VWA8: variants seen among roughly 807,000 people sequenced by gnomAD.
The protein encoded by VWA8 is von Willebrand factor A domain-containing protein 8.
VWA8 carries 221 observed loss-of-function variants against 241.5 expected under a neutral mutation model. That is an observed-to-expected ratio of 0.91 (90% CI 0.82 to 1.02). VWA8 has a LOEUF of 1.02. Ranked by LOEUF, VWA8 falls within the 50% of genes least tolerant of loss-of-function variation. VWA8 has a pLI of 0.00. For missense variants in VWA8, 2,322 were observed against 2,328.7 expected (o/e 1.00, Z 0.06); for synonymous variants, 852 against 827.1 (o/e 1.03, Z -0.52).
intron 12 of VWA8, among the ~76,000 whole-genome samples, chr13:41,861,103 C>T (rs940845556): frequency 3.3e-5 from 5 of 151,922 alleles, no homozygotes; most frequent in Admixed American, 2.0e-4. Flanking sequence ...TATTACTACT[C>T]AGGAGGCTGA....
intron 37 of VWA8, among the ~76,000 whole-genome samples, chr13:41,667,607 C>T (rs1034651013): frequency 1.3e-5 from 2 of 152,136 alleles, no homozygotes; most frequent in East Asian, 3.8e-4. Flanking sequence ...AAGCTATAAC[C>T]TTTTAAGCCT....
chr13:41,903,810 A>G (rs1875573146), intron 4 of VWA8, among the ~76,000 whole-genome samples: 1 of 152,220 alleles, frequency 6.6e-6, no homozygotes, highest in African/African-American at 2.4e-5. Flanking sequence ...AGGAACTGGT[A>G]GGATCTGATT....
intron 37 of VWA8, among the ~76,000 whole-genome samples, chr13:41,654,379 T>C (rs2044887765): frequency 6.6e-6 from 1 of 152,140 alleles, no homozygotes; most frequent in Non-Finnish European, 1.5e-5. Flanking sequence ...ACATCATGTG[T>C]CACCTAGTAG....
At chr13:41,576,496 G>A (rs1409666668) in intron 42 of VWA8, among the ~76,000 whole-genome samples, 2 of 152,168 alleles carry the variant, frequency 1.3e-5, no homozygotes, top group Non-Finnish European at 2.9e-5. Flanking sequence ...TAAATGGAAA[G>A]AAACAGAAAA....
chr13:41,795,915 C>A (rs757760347), intron 17 of VWA8, among the ~76,000 whole-genome samples: 1 of 151,994 alleles, frequency 6.6e-6, no homozygotes, highest in Non-Finnish European at 1.5e-5. Flanking sequence ...AACAAACCTG[C>A]ACCTCCTGCA....
At chr13:41,890,956 T>C (rs55671308) in intron 5 of VWA8, among the ~76,000 whole-genome samples, 6,746 of 152,254 alleles carry the variant, frequency 0.044, 219 homozygotes, top group Non-Finnish European at 0.07. Flanking sequence ...CAGAACAGGA[T>C]ATCCTTTAAA....
chr13:41,941,154 T>C (rs1877578057), intron 2 of VWA8, among the ~76,000 whole-genome samples: 1 of 152,176 alleles, frequency 6.6e-6, no homozygotes. Flanking sequence ...ATTTGCAAAA[T>C]ACTAAAATAC....
Position 41,951,253 on chromosome 13 carries a change from C to A in VWA8, c.164-1240G>T, listed in dbSNP as rs191354055. The stretch of plus-strand genomic sequence containing the variant: ...CCAACATGGTAAAACCCCGTCTCTA[C>A]TAAAAATACAAAAATTAGCTGGGCG... On this transcript the variant is annotated intron_variant, in intron 1 of 44. Transcript: ENST00000379310. Among the ~76,000 whole-genome samples the A allele has an allele frequency of 1.7e-3, 255 of 152,054 alleles. 2 individuals are homozygous for A. The highest frequency in any genetic ancestry group is 5.6e-3 in the African/African-American group (234 of 41,494).
At chr13:41,866,669 C>T (rs1319655820) in intron 10 of VWA8, among the ~76,000 whole-genome samples, 15 of 152,078 alleles carry the variant, frequency 9.9e-5, no homozygotes, top group Admixed American at 9.2e-4. Context: ...CATCTTAATG[C>T]TATTTATAAC....
intron 37 of VWA8, among the ~76,000 whole-genome samples, chr13:41,630,573 T>A (rs1324593406): frequency 6.6e-6 from 1 of 152,018 alleles, no homozygotes; most frequent in East Asian, 1.9e-4. Flanking sequence ...CTGAAACACA[T>A]CCCTATAGGC....
At chr13:41,711,617 G>C (rs2045317234) in intron 26 of VWA8, among the ~76,000 whole-genome samples, 1 of 152,182 alleles carries the variant, frequency 6.6e-6, no homozygotes, top group African/African-American at 2.4e-5. Flanking sequence ...GCTCATGCCT[G>C]TAATCCCAGC....
intron 37 of VWA8, among the ~76,000 whole-genome samples, chr13:41,663,955 C>T (rs944529265): frequency 2.0e-5 from 3 of 151,366 alleles, no homozygotes; most frequent in African/African-American, 7.3e-5. Flanking sequence ...ATAATGTATT[C>T]AGTAAGTTAC....
intron 22 of VWA8, among the ~76,000 whole-genome samples, chr13:41,730,448 G>C (rs1053203020): frequency 1.3e-5 from 2 of 151,932 alleles, no homozygotes; most frequent in African/African-American, 4.8e-5. Flanking sequence ...ATGCGGAATA[G>C]TTTGGCCAAA....
chr13:41,789,703 C>A (rs968980), intron 17 of VWA8, among the ~76,000 whole-genome samples: 122,353 of 152,004 alleles, frequency 0.8, 50,291 homozygotes, highest in East Asian at 1. Context: ...GGTATTCTCA[C>A]ATCACCAGCG....
chr13:41,753,732 T>A (rs1304363854), intron 21 of VWA8, among the ~76,000 whole-genome samples: 5 of 152,192 alleles, frequency 3.3e-5, no homozygotes, highest in Non-Finnish European at 7.4e-5. Flanking sequence ...TTATCAATAC[T>A]ATGTTTTGAA....
intron 2 of VWA8, among the ~76,000 whole-genome samples, chr13:41,931,401 C>T (rs1200877071): frequency 6.7e-6 from 1 of 149,128 alleles, no homozygotes; most frequent in African/African-American, 2.5e-5. Context: ...ACATTGGTTA[C>T]CAGGGGTAGG....
Position 41,701,498 on chromosome 13 carries a change from T to TG in VWA8, c.3257dup (p.Ile1087AsnfsTer5). On this transcript the variant is annotated frameshift_variant, in exon 28 of 45. Coordinates refer to ENST00000379310, the MANE Select transcript of VWA8 (RefSeq NM_015058.2). LOFTEE classifies it high-confidence loss of function. ...GGGATCTTTCTTCATGTCTTTCTAT[T>TG]GGATACTCCTGTATATTTATAAGTG... 6.2e-7 allele frequency: 1 copy of TG among 1,611,406 alleles called. No homozygotes were observed. Among genetic ancestry groups the TG allele is most frequent in the African/African-American group, 1.3e-5 (1 of 74,936 alleles).
chr13:41,736,922 C>A (rs1178599882), intron 21 of VWA8, among the ~76,000 whole-genome samples: 1 of 148,678 alleles, frequency 6.7e-6, no homozygotes, highest in Admixed American at 6.8e-5. Flanking sequence ...TGGCTCGCTG[C>A]AACCTCCGCT....
intron 26 of VWA8, among the ~76,000 whole-genome samples, chr13:41,704,770 T>C (rs1028005595): frequency 6.6e-6 from 1 of 152,144 alleles, no homozygotes; most frequent in Admixed American, 6.5e-5. Context: ...CTTCACTTTT[T>C]AATCATACTA....
Sources: gnomAD v4.1 joint callset for allele counts (sites outside exome capture counted in the v4.1 genomes callset) on GRCh38, gnomAD v4.1.1 for gene constraint, MANE v1.5 for transcripts, NCBI Gene and HGNC (gene_info 2026-07-23, HGNC 2026-07-21) for gene names.